Variants in FTCDNL1 observed in about 807,000 individuals in gnomAD.
The protein encoded by FTCDNL1 is formiminotransferase cyclodeaminase N-terminal like, also known as formiminotransferase N-terminal subdomain-containing protein.
A neutral mutation model predicts 5.9 loss-of-function variants in FTCDNL1; 11 were observed. That is an observed-to-expected ratio of 1.87 (90% CI 1.18 to 3.10). The LOEUF (loss-of-function observed/expected upper bound fraction) is 3.10. Ranked by LOEUF, FTCDNL1 falls within the 30% of genes most tolerant of loss-of-function variation. FTCDNL1 has a pLI of 0.00. For missense variants in FTCDNL1, 115 were observed against 65.5 expected (o/e 1.76, Z -2.61); for synonymous variants, 58 against 24.8 (o/e 2.34, Z -3.99).
chr2:199,840,329 AAATAATAAT>A (rs1358449354), intron 3 of FTCDNL1, among the ~76,000 whole-genome samples: 1 of 152,232 alleles, frequency 6.6e-6, no homozygotes, highest in African/African-American at 2.4e-5. Flanking sequence ...AGAAAAGGTA[AAATAATAAT>A]AATGTTCTAA....
At chr2:199,706,946 G>C in the FTCDNL1 span, among the ~76,000 whole-genome samples, 1 of 152,228 alleles carries the variant, frequency 6.6e-6, no homozygotes, top group Non-Finnish European at 1.5e-5. Context: ...GCTGTGTGCT[G>C]GTTGACATAG....
the FTCDNL1 span, among the ~76,000 whole-genome samples, chr2:199,676,619 TAAG>T: frequency 2.2e-4 from 33 of 152,142 alleles, no homozygotes; most frequent in African/African-American, 7.0e-4. Context: ...ATTGATGAGA[TAAG>T]AAGTAAAAAT....
At chr2:199,723,381 C>T in the FTCDNL1 span, among the ~76,000 whole-genome samples, 1 of 152,116 alleles carries the variant, frequency 6.6e-6, no homozygotes. Context: ...TTATTTCTTT[C>T]TCTTGCCTAA....
the FTCDNL1 span, among the ~76,000 whole-genome samples, chr2:199,722,744 C>T: frequency 6.6e-6 from 1 of 152,110 alleles, no homozygotes; most frequent in Non-Finnish European, 1.5e-5. Context: ...ATTGAGTCTT[C>T]CTATCCATGA....
At chr2:199,713,047 C>T in the FTCDNL1 span, among the ~76,000 whole-genome samples, 1 of 152,160 alleles carries the variant, frequency 6.6e-6, no homozygotes, top group African/African-American at 2.4e-5. Context: ...TGAAATAATT[C>T]TGTAATGTAG....
the FTCDNL1 span, among the ~76,000 whole-genome samples, chr2:199,698,118 C>T: frequency 6.6e-6 from 1 of 152,164 alleles, no homozygotes; most frequent in Non-Finnish European, 1.5e-5. Context: ...AACACTGCAG[C>T]ACACAGATTC....
chr2:199,728,959 T>A, the FTCDNL1 span, among the ~76,000 whole-genome samples: 6 of 152,070 alleles, frequency 3.9e-5, no homozygotes, highest in African/African-American at 1.2e-4. Context: ...TGCCAGATAA[T>A]CAGGGAAGGA....
chr2:199,787,342 C>A (rs1699709112), intron 3 of FTCDNL1, among the ~76,000 whole-genome samples: 1 of 152,020 alleles, frequency 6.6e-6, no homozygotes, highest in Non-Finnish European at 1.5e-5. Context: ...ACTACCACGC[C>A]CAGCTAATTT....
At chr2:199,694,013 A>G in the FTCDNL1 span, among the ~76,000 whole-genome samples, 7 of 152,230 alleles carry the variant, frequency 4.6e-5, no homozygotes, top group Non-Finnish European at 8.8e-5. Context: ...TTGGCCTGAC[A>G]GCAGAGAGAG....
At chr2:199,768,692 T>A (rs983753450) in intron 3 of FTCDNL1, among the ~76,000 whole-genome samples, 1 of 152,148 alleles carries the variant, frequency 6.6e-6, no homozygotes, top group Non-Finnish European at 1.5e-5. Context: ...AAGTTCTAGA[T>A]GGATGACAGC....
intron 3 of FTCDNL1, among the ~76,000 whole-genome samples, chr2:199,842,084 C>T (rs901464035): frequency 3.3e-5 from 5 of 151,474 alleles, no homozygotes; most frequent in African/African-American, 7.3e-5. Context: ...CATGGCAAAA[C>T]CCCATTTCTA....
the FTCDNL1 span, among the ~76,000 whole-genome samples, chr2:199,675,894 G>A: frequency 2.4e-3 from 369 of 152,242 alleles, 2 homozygotes; most frequent in African/African-American, 6.7e-3. Context: ...GTGTCTACAG[G>A]AGCACACCAC....
At chr2:199,826,533 G>A (rs892675450) in intron 3 of FTCDNL1, among the ~76,000 whole-genome samples, 4 of 147,278 alleles carry the variant, frequency 2.7e-5, no homozygotes, top group Non-Finnish European at 4.5e-5. Context: ...GGTGGCTTAC[G>A]CCCATAATCC....
At chr2:199,760,711 A>T (rs1465669714) in exon 4 of FTCDNL1, 1 of 690,594 alleles carries the variant, frequency 1.4e-6, no homozygotes, top group Non-Finnish European at 2.7e-6. Context: ...ATTAAATGGT[A>T]CTGTGTGTTG....
the FTCDNL1 span, among the ~76,000 whole-genome samples, chr2:199,750,530 TG>T: frequency 6.6e-6 from 1 of 152,168 alleles, no homozygotes; most frequent in Non-Finnish European, 1.5e-5. Context: ...CACACCTAAC[TG>T]GTTCTGAGAA....
the FTCDNL1 span, among the ~76,000 whole-genome samples, chr2:199,754,123 G>A: frequency 6.6e-6 from 1 of 152,140 alleles, no homozygotes; most frequent in African/African-American, 2.4e-5. Context: ...CAGCAGAAGT[G>A]TGGCACAGCC....
intron 3 of FTCDNL1, among the ~76,000 whole-genome samples, chr2:199,784,730 C>G (rs1454862967): frequency 6.6e-6 from 1 of 152,166 alleles, no homozygotes; most frequent in Non-Finnish European, 1.5e-5. Flanking sequence ...GGGCTCTCCC[C>G]AGGGAGGAAG....
At chr2:199,722,604 G>A in the FTCDNL1 span, among the ~76,000 whole-genome samples, 1 of 152,004 alleles carries the variant, frequency 6.6e-6, no homozygotes, top group Non-Finnish European at 1.5e-5. Flanking sequence ...TTGGTTATAG[G>A]GGCTCTTTTT....
intron 3 of FTCDNL1, among the ~76,000 whole-genome samples, chr2:199,787,659 A>G (rs546710961): frequency 6.6e-6 from 1 of 152,352 alleles, no homozygotes; most frequent in South Asian, 2.1e-4. Flanking sequence ...AGAGAGAAGC[A>G]TTCTTTGAAA....
Sources: gnomAD v4.1 joint callset for allele counts (sites outside exome capture counted in the v4.1 genomes callset) on GRCh38, gnomAD v4.1.1 for gene constraint, MANE v1.5 for transcripts, NCBI Gene and HGNC (gene_info 2026-07-23, HGNC 2026-07-21) for gene names.